PRICKLE2: variants seen among roughly 807,000 people sequenced by gnomAD.
PRICKLE2 encodes prickle planar cell polarity protein 2, also known as prickle-like protein 2.
Under a neutral mutation model 81.4 loss-of-function variants are expected in PRICKLE2, and 21 were observed. That is an observed-to-expected ratio of 0.26 (90% CI 0.18 to 0.37). The LOEUF (loss-of-function observed/expected upper bound fraction) is 0.37, where lower values mean the gene tolerates loss of function less well. Among genes scored for constraint, PRICKLE2 ranks in the 10% least tolerant of loss-of-function variants. The pLI, the probability that PRICKLE2 is intolerant of heterozygous loss-of-function variation, is 1.00. For missense variants in PRICKLE2, 940 were observed against 1,109.0 expected (o/e 0.85, Z 2.16); for synonymous variants, 456 against 421.5 (o/e 1.08, Z -1.00).
chr3:64,101,400 T>C (rs1015186643), intron 7 of PRICKLE2: 1 of 152,122 alleles, frequency 6.6e-6, no homozygotes, highest in African/African-American at 2.4e-5. Context: ...AATTCCAGGA[T>C]AAAGGCAAGG....
chr3:64,166,652 A>G (rs1490071501), intron 2 of PRICKLE2, among the ~76,000 whole-genome samples: 1 of 152,190 alleles, frequency 6.6e-6, no homozygotes, highest in Non-Finnish European at 1.5e-5. Context: ...CAAGGTAACT[A>G]ATAATTTGAT....
intron 7 of PRICKLE2, among the ~76,000 whole-genome samples, chr3:64,131,342 T>A (rs1575572563): frequency 6.6e-6 from 1 of 152,194 alleles, no homozygotes; most frequent in African/African-American, 2.4e-5. Flanking sequence ...AAGCCTTCTG[T>A]AACTGTGGCA....
intron 6 of PRICKLE2, among the ~76,000 whole-genome samples, chr3:64,149,235 C>T (rs1232654997): frequency 6.6e-6 from 1 of 152,208 alleles, no homozygotes; most frequent in Non-Finnish European, 1.5e-5. Flanking sequence ...TCCCTGCCAT[C>T]TTCAGGCCGT....
At chr3:64,105,170 T>C (rs1391594328) in intron 7 of PRICKLE2, among the ~76,000 whole-genome samples, 2 of 152,162 alleles carry the variant, frequency 1.3e-5, no homozygotes, top group African/African-American at 4.8e-5. Context: ...TTTGTTAAAG[T>C]CCTCGTGTAG....
At chr3:64,164,006 G>A (rs977245204) in intron 2 of PRICKLE2, 3 of 150,852 alleles carry the variant, frequency 2.0e-5, no homozygotes, top group Non-Finnish European at 2.9e-5. Context: ...CTTATTTAAC[G>A]ACATGAGCAC....
chr3:64,166,117 C>A (rs2077828752), intron 2 of PRICKLE2, among the ~76,000 whole-genome samples: 1 of 152,030 alleles, frequency 6.6e-6, no homozygotes, highest in African/African-American at 2.4e-5. Flanking sequence ...AGTTTCTGTT[C>A]TCTCTGAGCC....
intron 2 of PRICKLE2, among the ~76,000 whole-genome samples, chr3:64,264,178 A>G (rs2079660510): frequency 6.6e-6 from 1 of 152,050 alleles, no homozygotes. Flanking sequence ...GGTCCCCCGC[A>G]TGGCCACTTG....
At chr3:64,232,138 T>G (rs2079113819) in intron 2 of PRICKLE2, among the ~76,000 whole-genome samples, 1 of 152,176 alleles carries the variant, frequency 6.6e-6, no homozygotes, top group South Asian at 2.1e-4. Context: ...GGACTCTCAT[T>G]CTGGTTCACA....
intron 7 of PRICKLE2, among the ~76,000 whole-genome samples, chr3:64,132,808 T>C (rs543482171): frequency 6.6e-6 from 1 of 152,186 alleles, no homozygotes; most frequent in East Asian, 1.9e-4. Context: ...CCCAGTACAT[T>C]AGAGATATAT....
At chr3:64,238,402 A>C (rs1026524439) in intron 2 of PRICKLE2, among the ~76,000 whole-genome samples, 2 of 151,102 alleles carry the variant, frequency 1.3e-5, no homozygotes, top group African/African-American at 4.9e-5. Flanking sequence ...TAGGAGAATC[A>C]CTTGAATCCG....
At chr3:64,106,826 T>C (rs1184262340) in intron 7 of PRICKLE2, among the ~76,000 whole-genome samples, 2 of 152,158 alleles carry the variant, frequency 1.3e-5, no homozygotes, top group Non-Finnish European at 2.9e-5. Context: ...GCAAGCTAAA[T>C]TTGCCAGAGA....
intron 5 of PRICKLE2, chr3:64,153,726 T>C (rs2077582160): frequency 3.7e-6 from 1 of 271,180 alleles, no homozygotes; most frequent in East Asian, 9.2e-5. Flanking sequence ...ATTATTTTTT[T>C]AAATGGAAAA....
chr3:64,129,591 G>C (rs1291070567), intron 7 of PRICKLE2, among the ~76,000 whole-genome samples: 4 of 152,136 alleles, frequency 2.6e-5, no homozygotes, highest in Admixed American at 1.3e-4. Flanking sequence ...AACCATGGCT[G>C]TTGAAAGCAG....
At chr3:64,109,512 G>A (rs1363516942) in intron 7 of PRICKLE2, among the ~76,000 whole-genome samples, 1 of 152,092 alleles carries the variant, frequency 6.6e-6, no homozygotes, top group African/African-American at 2.4e-5. Context: ...GATCAGTGCT[G>A]GTAGTCTAAG....
At chr3:64,197,445 T>A (rs941698524) in intron 2 of PRICKLE2, among the ~76,000 whole-genome samples, 6 of 152,150 alleles carry the variant, frequency 3.9e-5, no homozygotes, top group Middle Eastern at 3.2e-3. Flanking sequence ...GATTGTTTGG[T>A]TTTTCTTGTA....
At chr3:64,141,814 T>G (rs1460652967) in intron 7 of PRICKLE2, 6 of 985,178 alleles carry the variant, frequency 6.1e-6, no homozygotes, top group Non-Finnish European at 7.2e-6. Context: ...GATTAAACAC[T>G]ACAGACTTAT....
In PRICKLE2 at chr3:64,147,446, C is replaced by T. The variant is rs759826899; in HGVS notation, c.1044G>A (p.Glu348=). The change falls in exon 7 of 8, where the codon GAG becomes GAA. Residue 348 remains glutamate (E), a synonymous_variant. Transcript: ENST00000638394. The surrounding 1 kb of genome is among the most constrained non-coding windows in gnomAD (Gnocchi z 5.0). ...AKIGKNKGKT[E]EPMLNQHSQL... is the part of the protein sequence containing the mutation. Reference sequence around the variant, plus strand: ...GGCTGTGCTGGTTCAGCATGGGCTCCTCCGTCTTGCCCTTGTTCTTGCCAA... The same window carrying T: ...GGCTGTGCTGGTTCAGCATGGGCTCTTCCGTCTTGCCCTTGTTCTTGCCAA... The T allele has an allele frequency of 5.4e-5, 87 of 1,614,124 alleles. 1 individual carries two copies. The highest frequency in any genetic ancestry group is 5.9e-6 in the Non-Finnish European group (7 of 1,180,060).
chr3:64,141,923 T>C, intron 7 of PRICKLE2: 1 of 985,084 alleles, frequency 1.0e-6, no homozygotes, highest in Non-Finnish European at 1.2e-6. Context: ...AAGCCTTTTG[T>C]GGCACGTACC....
At chr3:64,243,269 A>G (rs1559600397) in intron 2 of PRICKLE2, among the ~76,000 whole-genome samples, 1 of 152,194 alleles carries the variant, frequency 6.6e-6, no homozygotes, top group Non-Finnish European at 1.5e-5. Flanking sequence ...CATTATAGAC[A>G]ATTCATGCCA....
Sources: allele counts gnomAD v4.1 joint callset (sites outside exome capture counted in the v4.1 genomes callset), GRCh38; gene constraint gnomAD v4.1.1; non-coding constraint Gnocchi (gnomAD v3.1); transcripts MANE v1.5; gene names NCBI Gene and HGNC (gene_info 2026-07-23, HGNC 2026-07-21).